Variants in WDFY4 observed in about 807,000 individuals in gnomAD.
WDFY4 encodes the protein WDFY family member 4, also known as WD repeat- and FYVE domain-containing protein 4.
WDFY4 carries 169 observed loss-of-function variants against 351.9 expected under a neutral mutation model. That is an observed-to-expected ratio of 0.48 (90% confidence interval 0.42 to 0.55). WDFY4 has a LOEUF of 0.55. Ranked by LOEUF, WDFY4 falls within the 20% of genes least tolerant of loss-of-function variation. The pLI is 0.00. For synonymous variants in WDFY4, 1,622 were observed against 1,574.6 expected (o/e 1.03, Z -0.71); for missense variants, 3,803 against 3,935.6 (o/e 0.97, Z 0.90).
intron 50 of WDFY4, among the ~76,000 whole-genome samples, 199 bp from the exon 51 acceptor site, chr10:48,946,661 G>T (rs997674146): frequency 4.6e-5 from 7 of 152,164 alleles, no homozygotes; most frequent in Non-Finnish European, 1.0e-4. Flanking sequence ...CCATCTACAC[G>T]CCATCTTTAG....
intron 39 of WDFY4, among the ~76,000 whole-genome samples, chr10:48,847,631 G>A (rs565492145): frequency 2.0e-5 from 3 of 152,174 alleles, no homozygotes; most frequent in African/African-American, 7.2e-5. Flanking sequence ...GAAGGCCAGC[G>A]TGGCGACACC....
chr10:48,760,220 T>C, intron 12 of WDFY4, 127 bp from the exon 13 acceptor site: 1 of 802,446 alleles, frequency 1.2e-6, no homozygotes, highest in Non-Finnish European at 2.0e-6. Flanking sequence ...TAGTTCAATG[T>C]CATCTAGGTA....
At chr10:48,807,083 A>G (rs1441460937) in intron 27 of WDFY4, among the ~76,000 whole-genome samples, 1 of 152,240 alleles carries the variant, frequency 6.6e-6, no homozygotes, top group African/African-American at 2.4e-5. Flanking sequence ...AGCTAATTGA[A>G]GATGGGACCA....
chr10:48,723,626 C>T (rs927963557), intron 5 of WDFY4, 59 bp downstream of exon 5: 12 of 1,541,438 alleles, frequency 7.8e-6, no homozygotes, highest in African/African-American at 6.9e-5. Context: ...GGGACAGACT[C>T]TCCAATGCTT....
intron 47 of WDFY4, among the ~76,000 whole-genome samples, chr10:48,932,122 A>G (rs548968508): frequency 6.6e-5 from 10 of 152,358 alleles, no homozygotes; most frequent in East Asian, 5.8e-4. Context: ...GGATTGGTCA[A>G]TTGCTGGTTG....
At position 48,788,824 on chromosome 10, in the gene WDFY4, A is replaced by G; in HGVS notation, c.3954+149A>G. On this transcript the variant is annotated intron_variant, in intron 21 of 61. Transcript: ENST00000325239. ...TGTTTCCCACTTCATTTGTTAAAAT[A>G]TCCTATGCCTCCCCACCCACTGGTG... 7.2e-6 allele frequency: 8 copies of G among 1,117,656 alleles called. 1 individual carries two copies. Among genetic ancestry groups the G allele is most frequent in the East Asian group, 2.6e-5 (1 of 38,334 alleles). The allele number at this position is 1,117,656 out of a possible 1,614,324, so 69.2% of individuals were successfully genotyped here. A position where few individuals can be genotyped will look rare whatever the true frequency, so the allele number is the denominator to read the frequency against.
intron 43 of WDFY4, among the ~76,000 whole-genome samples, chr10:48,880,308 C>T (rs975935970): frequency 3.9e-5 from 6 of 152,180 alleles, no homozygotes; most frequent in Admixed American, 3.3e-4. Flanking sequence ...TGTTGACTGT[C>T]CACCAGGTGA....
At position 48,728,133 on chromosome 10, in the gene WDFY4, G is replaced by A. The variant is rs545026352; in HGVS notation, c.971+474G>A. Among the ~76,000 whole-genome samples, 9 of 152,334 alleles carry A rather than the reference G, an allele frequency of 5.9e-5. No homozygotes were observed. The South Asian group carries it at 1.9e-3, about 32-fold the overall frequency. ...CTCCCCAGAAGGATTAGCTCCAGTGGCCCCATGAGGCGCTTGCTTGCTAAT... is the reference window on the plus strand; with the variant it reads ...CTCCCCAGAAGGATTAGCTCCAGTGACCCCATGAGGCGCTTGCTTGCTAAT... On this transcript the variant is annotated intron_variant, in intron 7 of 61. Transcript: ENST00000325239.
intron 51 of WDFY4, among the ~76,000 whole-genome samples, chr10:48,953,799 C>G (rs567613818): frequency 6.6e-6 from 1 of 152,200 alleles, no homozygotes; most frequent in Non-Finnish European, 1.5e-5. Context: ...TGTGCAGTTA[C>G]TGAATTTCCT....
chr10:48,768,481 C>G (rs976875944), intron 13 of WDFY4, among the ~76,000 whole-genome samples: 1 of 152,198 alleles, frequency 6.6e-6, no homozygotes, highest in African/African-American at 2.4e-5. Context: ...TCCCCGAAAG[C>G]CCATTTTCCT....
chr10:48,879,109 T>C (rs1173889103), intron 43 of WDFY4, among the ~76,000 whole-genome samples: 1 of 152,240 alleles, frequency 6.6e-6, no homozygotes, highest in Non-Finnish European at 1.5e-5. Flanking sequence ...GGATATTTAG[T>C]AAATACCTTG....
intron 39 of WDFY4, among the ~76,000 whole-genome samples, chr10:48,866,442 A>G (rs1311980076): frequency 2.0e-5 from 3 of 152,256 alleles, no homozygotes; most frequent in African/African-American, 7.2e-5. Context: ...ATTAAAAGAC[A>G]TGCTTTGTAT....
In WDFY4 at chr10:48,786,714, A is replaced by G. The variant is rs1045711198; in HGVS notation, c.3652A>G (p.Ile1218Val). 12 of 1,552,142 alleles carry G rather than the reference A, an allele frequency of 7.7e-6. No homozygotes were observed. Among genetic ancestry groups the G allele is most frequent in the Non-Finnish European group, 1.0e-5 (12 of 1,147,124 alleles). ...PSAFVDVYGY[I>V]ATPRVWKQKS... is the part of the protein sequence containing the mutation. The stretch of plus-strand genomic sequence containing the variant: ...CGCATTTGTGGATGTTTATGGATAT[A>G]TTGCTACTCCTCGAGTCTGGAAACA... The change falls in exon 20 of 62, where the codon ATT becomes GTT. Residue 1218 changes from isoleucine to valine, a missense_variant. Around this residue, in one of 3 missense-constraint regions of WDFY4, gnomAD observed 3,054 missense variants for 3,148.6 expected, o/e 0.97. Transcript: ENST00000325239.
At chr10:48,830,162 C>A (rs1589708845) in intron 37 of WDFY4, among the ~76,000 whole-genome samples, 1 of 152,170 alleles carries the variant, frequency 6.6e-6, no homozygotes, top group Non-Finnish European at 1.5e-5. Flanking sequence ...CTGCTTATAC[C>A]TGAAGAATTC....
intron 39 of WDFY4, among the ~76,000 whole-genome samples, chr10:48,836,108 T>C (rs1249395802): frequency 1.3e-5 from 2 of 152,238 alleles, no homozygotes; most frequent in Non-Finnish European, 2.9e-5. Flanking sequence ...CAGGTACATA[T>C]GTACACTGTG....
chr10:48,886,945 T>A (rs1049902767), intron 43 of WDFY4, among the ~76,000 whole-genome samples: 2 of 152,234 alleles, frequency 1.3e-5, no homozygotes, highest in African/African-American at 2.4e-5. Flanking sequence ...TAATCATGAG[T>A]AAACTTAGGG....
At position 48,709,754 on chromosome 10, in the gene WDFY4, A is replaced by G; in HGVS notation, c.22A>G (p.Lys8Glu). The G allele has an allele frequency of 6.4e-7, 1 of 1,552,058 alleles. No homozygotes were observed. Among genetic ancestry groups the G allele is most frequent in the South Asian group, 1.2e-5 (1 of 84,062 alleles). The change falls in exon 2 of 62, where the codon AAG becomes GAG. Residue 8 changes from lysine to glutamate, a missense_variant. Lys to Glu is a moderately conservative substitution (Grantham distance 56). This residue lies in a region of WDFY4 where 488 missense variants were observed against 456.8 expected (regional missense o/e 1.07). Transcript: ENST00000325239. The part of the protein sequence containing the change: MEAEDLS[K>E]AEDRNEDPGS... ...CGGCATGGAGGCAGAAGATCTTTCA[A>G]AGGCTGAAGACAGAAATGAAGACCC...
chr10:48,909,379 A>C (rs1015394367), intron 47 of WDFY4: 15 of 152,126 alleles, frequency 9.9e-5, no homozygotes, highest in African/African-American at 3.6e-4. Flanking sequence ...TATCTATAGT[A>C]TTTTTTAGCA....
rs1281230483 is a variant in WDFY4 at position 48,974,977 on chromosome 10, C to T, written c.9044C>T (p.Thr3015Ile). ...TCILWDLDHLTHVTRLPAHRE... is the reference protein window; with the variant it reads ...TCILWDLDHLIHVTRLPAHRE... ...ATCCTGTGGGATCTGGACCACCTCA[C>T]CCACGTGACCCGCCTGCCCGCCCAT... The change falls in exon 58 of 62, where the codon ACC (threonine) becomes ATC (isoleucine). Residue 3015 changes from threonine (T) to isoleucine (I), a missense_variant. Thr to Ile is a moderately conservative substitution (Grantham distance 89). Coordinates refer to ENST00000325239, the MANE Select transcript of WDFY4 (RefSeq NM_001394531.1). 8.4e-6 allele frequency: 13 copies of T among 1,551,708 alleles called. No homozygotes were observed. Among genetic ancestry groups the T allele is most frequent in the Non-Finnish European group, 9.6e-6 (11 of 1,146,994 alleles).
Sources: gnomAD v4.1 joint callset for allele counts (sites outside exome capture counted in the v4.1 genomes callset) on GRCh38, gnomAD v4.1.1 for gene constraint, gnomAD v4.1.1 regional missense constraint, MANE v1.5 for transcripts, NCBI Gene and HGNC (gene_info 2026-07-23, HGNC 2026-07-21) for gene names.